The following CFAP43 variants were observed in gnomAD, a reference collection of about 807,000 sequenced individuals.
CFAP43 encodes the protein cilia- and flagella-associated protein 43.
Under a neutral mutation model 218.9 loss-of-function variants are expected in CFAP43, and 155 were observed. The observed-to-expected ratio is 0.71, with a 90% confidence interval of 0.62 to 0.81. The LOEUF is 0.81. Ranked by LOEUF, CFAP43 falls within the 30% of genes least tolerant of loss-of-function variation. The pLI, the probability that CFAP43 is intolerant of heterozygous loss-of-function variation, is 0.00. For missense variants in CFAP43, 1,778 were observed against 1,954.3 expected (o/e 0.91, Z 1.70); for synonymous variants, 645 against 681.3 (o/e 0.95, Z 0.83).
At chr10:104,180,032 T>C (rs1001386130) in intron 17 of CFAP43, 100 bp from the exon 18 acceptor site, 15 of 881,806 alleles carry the variant, frequency 1.7e-5, no homozygotes, top group Admixed American at 1.3e-4. Flanking sequence ...AATTCCTTTG[T>C]ATTTGTTGCA....
At position 104,197,928 on chromosome 10, in the gene CFAP43, G is replaced by C; in HGVS notation, c.1206C>G (p.Tyr402Ter). The C allele has an allele frequency of 6.3e-7, 1 of 1,592,252 alleles. No homozygotes were observed. Among genetic ancestry groups the C allele is most frequent in the South Asian group, 1.1e-5 (1 of 90,316 alleles). ...AIDFITPGTQYFMTLTYSGEI... is the reference protein window; with the variant it reads ...AIDFITPGTQ ...ACAGTAAAATATTCTTTACCATGAA[G>C]TATTGGGTTCCAGGTGTGATAAAGT... Residue 402 changes from tyrosine to a stop codon, truncating the protein, a stop_gained, in exon 9 of 38, where the codon TAC becomes TAG. Transcript: ENST00000357060. LOFTEE classifies it high-confidence loss of function.
chr10:104,144,510 G>A (rs756189565), intron 31 of CFAP43, among the ~76,000 whole-genome samples: 10 of 152,136 alleles, frequency 6.6e-5, no homozygotes, highest in East Asian at 1.9e-4. Flanking sequence ...TTAGCTGGGC[G>A]TGGTGGCATG....
intron 20 of CFAP43, 141 bp downstream of exon 20, chr10:104,172,269 T>C (rs1204975828): frequency 7.8e-6 from 8 of 1,025,510 alleles, no homozygotes; most frequent in Non-Finnish European, 9.6e-6. Context: ...ATTATACTTA[T>C]ATGCACTATG....
At chr10:104,132,374 G>A (rs992467770) in intron 35 of CFAP43, among the ~76,000 whole-genome samples, 178 bp from the exon 36 acceptor site, 1 of 152,130 alleles carries the variant, frequency 6.6e-6, no homozygotes, top group Admixed American at 6.5e-5. Flanking sequence ...CACTTTGGGA[G>A]GCTGAGGCAG....
chr10:104,203,309 G>A, intron 8 of CFAP43: 1 of 220,218 alleles, frequency 4.5e-6, no homozygotes, highest in Non-Finnish European at 8.8e-6. Context: ...GGGACATCAA[G>A]CAGGCAGAAA....
At chr10:104,219,851 C>T (rs1316707453) in intron 3 of CFAP43, among the ~76,000 whole-genome samples, 1 of 152,170 alleles carries the variant, frequency 6.6e-6, no homozygotes, top group African/African-American at 2.4e-5. Flanking sequence ...TTGCACATGC[C>T]ATTCCTCTGC....
At chr10:104,195,511 G>T (rs1404168722) in intron 10 of CFAP43, among the ~76,000 whole-genome samples, 1 of 152,036 alleles carries the variant, frequency 6.6e-6, no homozygotes, top group Admixed American at 6.5e-5. Flanking sequence ...CTTTACTTTT[G>T]TGGGAAAGTT....
chr10:104,148,508 G>T (rs9888004), intron 28 of CFAP43, among the ~76,000 whole-genome samples: 1 of 152,170 alleles, frequency 6.6e-6, no homozygotes, highest in Non-Finnish European at 1.5e-5. Context: ...CATGGGAGGT[G>T]TTTGGGTCAT....
chr10:104,134,584 A>T (rs2087350280), intron 34 of CFAP43, among the ~76,000 whole-genome samples: 2 of 152,184 alleles, frequency 1.3e-5, no homozygotes, highest in Non-Finnish European at 2.9e-5. Context: ...TAAAAGGATT[A>T]TAAGAGAATA....
chr10:104,213,387 C>T (rs993091543), intron 4 of CFAP43, among the ~76,000 whole-genome samples: 2 of 152,122 alleles, frequency 1.3e-5, no homozygotes, highest in African/African-American at 4.8e-5. Flanking sequence ...CTTGAGTCTC[C>T]GAGCTCTTTC....
intron 8 of CFAP43, among the ~76,000 whole-genome samples, chr10:104,202,753 T>G (rs1435479440): frequency 6.6e-6 from 1 of 152,062 alleles, no homozygotes; most frequent in African/African-American, 2.4e-5. Context: ...ATCTTTTTCC[T>G]AGTTTCCTAT....
chr10:104,192,050 CTAAG>C, intron 12 of CFAP43, 145 bp downstream of exon 12: 5 of 604,378 alleles, frequency 8.3e-6, no homozygotes, highest in South Asian at 2.3e-5. Flanking sequence ...GAGAATTCTC[CTAAG>C]TAACTTTAGT....
At chr10:104,212,975 G>C (rs1372876376) in intron 4 of CFAP43, among the ~76,000 whole-genome samples, 1 of 152,182 alleles carries the variant, frequency 6.6e-6, no homozygotes, top group Non-Finnish European at 1.5e-5. Flanking sequence ...TTACAGAAAA[G>C]TCACAACTCA....
intron 2 of CFAP43, among the ~76,000 whole-genome samples, chr10:104,230,107 G>C (rs866322051): frequency 7.9e-5 from 12 of 151,992 alleles, no homozygotes; most frequent in South Asian, 2.1e-4. Flanking sequence ...GAACAGCAAG[G>C]CTCTAGCTAA....
At chr10:104,182,591 G>A in intron 16 of CFAP43, 78 bp from the exon 17 acceptor site, 1 of 1,333,700 alleles carries the variant, frequency 7.5e-7, no homozygotes, top group African/African-American at 1.5e-5. Flanking sequence ...ATTATTTTCA[G>A]GTAACTAACC....
At chr10:104,215,589 T>G (rs1276026685) in intron 3 of CFAP43, among the ~76,000 whole-genome samples, 1 of 152,174 alleles carries the variant, frequency 6.6e-6, no homozygotes, top group Non-Finnish European at 1.5e-5. Flanking sequence ...TGCATGGCAG[T>G]GACACCATAA....
chr10:104,203,808 A>G lies in CFAP43; in HGVS notation c.964-5T>C. The G allele has an allele frequency of 6.3e-7, 1 of 1,592,172 alleles. No homozygotes were observed. On this transcript the variant is annotated splice_polypyrimidine_tract_variant and splice_region_variant and intron_variant, in intron 7 of 37. Coordinates refer to ENST00000357060, the MANE Select transcript of CFAP43 (RefSeq NM_025145.7). ...AAAAGAATACACAAAGCCATCCTAG[A>G]GATGAGTGAGATAAACATAGAAAAT... is the stretch of plus-strand genomic sequence containing the variant.
chr10:104,131,534 T>G (rs770212658), intron 36 of CFAP43, 50 bp from the exon 37 acceptor site: 21 of 1,547,660 alleles, frequency 1.4e-5, no homozygotes, highest in Middle Eastern at 2.2e-4. Context: ...TTGAAAAATG[T>G]AATTTATCCT....
chr10:104,224,407 T>C (rs963603529), intron 3 of CFAP43, among the ~76,000 whole-genome samples: 1 of 152,106 alleles, frequency 6.6e-6, no homozygotes, highest in African/African-American at 2.4e-5. Context: ...CTTATCAAAG[T>C]ATTTACCTTA....
Sources: gnomAD v4.1 joint callset for allele counts (sites outside exome capture counted in the v4.1 genomes callset) on GRCh38, gnomAD v4.1.1 for gene constraint, MANE v1.5 for transcripts, NCBI Gene and HGNC (gene_info 2026-07-23, HGNC 2026-07-21) for gene names.